PDE3A: variants seen among roughly 807,000 people sequenced by gnomAD.
PDE3A encodes cGMP-inhibited 3',5'-cyclic phosphodiesterase 3A.
PDE3A carries 43 observed loss-of-function variants against 98.3 expected under a neutral mutation model. That is an observed-to-expected ratio of 0.44 (90% confidence interval 0.34 to 0.56). The LOEUF is 0.56. PDE3A is among the 20% of genes least tolerant of loss of function. PDE3A has a pLI of 0.01. For synonymous variants in PDE3A, 663 were observed against 567.9 expected, an observed-to-expected ratio of 1.17 and a Z score of -2.38; for missense variants, 1,427 against 1,440.7, an observed-to-expected ratio of 0.99 and a Z score of 0.15.
In PDE3A at chr12:20,633,693, C is replaced by A; in HGVS notation, c.1761C>A (p.Ser587Arg). ...CTATAGCTCTTCCAATATTTTTTAGCTGTGGCAGACCATATTCCCAAGGGA... is the reference window on the plus strand; with the variant it reads ...CTATAGCTCTTCCAATATTTTTTAGATGTGGCAGACCATATTCCCAAGGGA... The part of the protein sequence containing the change: ...QILTPPVICS[S>R]CGRPYSQGNP... The change falls in exon 7 of 16, where the codon AGC (serine) becomes AGA (arginine). Residue 587 changes from serine to arginine, a missense_variant and splice_region_variant. Around this residue, in one of 3 missense-constraint regions of PDE3A, gnomAD observed 1,012 missense variants for 886.5 expected, o/e 1.14. Transcript: ENST00000359062. 6.3e-7 allele frequency: 1 copy of A among 1,598,646 alleles called. No individual in the cohort carries two copies. Among genetic ancestry groups the A allele is most frequent in the Non-Finnish European group, 8.5e-7 (1 of 1,170,856 alleles).
intron 1 of PDE3A, among the ~76,000 whole-genome samples, chr12:20,475,718 T>C (rs1565561311): frequency 6.6e-6 from 1 of 150,630 alleles, no homozygotes; most frequent in Non-Finnish European, 1.5e-5. Flanking sequence ...TGACACACCA[T>C]ACACACACAC....
At chr12:20,619,907 A>G (rs890669451) in intron 4 of PDE3A, among the ~76,000 whole-genome samples, 1 of 152,122 alleles carries the variant, frequency 6.6e-6, no homozygotes, top group Non-Finnish European at 1.5e-5. Flanking sequence ...ATTGACCTCA[A>G]CACAAATTAC....
chr12:20,390,591 A>G (rs936633714), intron 1 of PDE3A, among the ~76,000 whole-genome samples: 2 of 10,644 alleles, frequency 1.9e-4, no homozygotes, highest in African/African-American at 1.8e-4. Context: ...GTCACTGAGA[A>G]AAAAAAGCAT....
At chr12:20,483,311 C>T (rs1183843314) in intron 1 of PDE3A, among the ~76,000 whole-genome samples, 2 of 152,120 alleles carry the variant, frequency 1.3e-5, no homozygotes, top group Non-Finnish European at 1.5e-5. Flanking sequence ...ATTGTTTGAA[C>T]CCCGGAGGCG....
intron 13 of PDE3A, among the ~76,000 whole-genome samples, chr12:20,650,165 A>G (rs1944882965): frequency 6.6e-6 from 1 of 152,144 alleles, no homozygotes; most frequent in Non-Finnish European, 1.5e-5. Context: ...ATACTCTTTT[A>G]GTTATTTTAA....
chr12:20,408,015 C>T (rs80330361), intron 1 of PDE3A, among the ~76,000 whole-genome samples: 98 of 152,148 alleles, frequency 6.4e-4, no homozygotes, highest in African/African-American at 2.3e-3. Context: ...CGTCTGCCTC[C>T]TGGGTTGAAG....
At chr12:20,617,756 C>T (rs1178756247) in intron 4 of PDE3A, among the ~76,000 whole-genome samples, 1 of 152,214 alleles carries the variant, frequency 6.6e-6, no homozygotes, top group South Asian at 2.1e-4. Flanking sequence ...GAAAAATCCA[C>T]TCATGCCTTC....
At chr12:20,467,459 T>C (rs1945358647) in intron 1 of PDE3A, among the ~76,000 whole-genome samples, 1 of 152,164 alleles carries the variant, frequency 6.6e-6, no homozygotes, top group Non-Finnish European at 1.5e-5. Context: ...TATAAAAATG[T>C]ATTTATTATG....
At chr12:20,606,631 G>T in intron 2 of PDE3A, among the ~76,000 whole-genome samples, 1 of 151,856 alleles carries the variant, frequency 6.6e-6, no homozygotes, top group Non-Finnish European at 1.5e-5. Context: ...GGCTCAGGTG[G>T]GCGGGTCACC....
intron 1 of PDE3A, among the ~76,000 whole-genome samples, chr12:20,418,776 C>T (rs755552767): frequency 6.6e-6 from 1 of 151,674 alleles, no homozygotes; most frequent in Non-Finnish European, 1.5e-5. Flanking sequence ...TTTTTTAATG[C>T]TTTTACATTT....
intron 1 of PDE3A, among the ~76,000 whole-genome samples, chr12:20,385,977 AAT>A (rs1426985856): frequency 1.6e-3 from 180 of 114,256 alleles, no homozygotes; most frequent in African/African-American, 5.9e-3. Flanking sequence ...ATTAATTATT[AAT>A]ATATAATATA....
intron 1 of PDE3A, among the ~76,000 whole-genome samples, chr12:20,533,526 G>C (rs1220446338): frequency 6.7e-6 from 1 of 148,776 alleles, no homozygotes. Flanking sequence ...CTGTCACCCA[G>C]GCTGGAGTGC....
rs536255680 is a variant in PDE3A, at chr12:20,478,347, A to G, written c.961-78313A>G. On this transcript the variant is annotated intron_variant, in intron 1 of 15. Coordinates refer to ENST00000359062, the MANE Select transcript of PDE3A (RefSeq NM_000921.5). ...TAGCTGCAGTTGTAATCAGGCATACATAACCTAGGCAGCCATTTACATTTT... is the reference window on the plus strand; with the variant it reads ...TAGCTGCAGTTGTAATCAGGCATACGTAACCTAGGCAGCCATTTACATTTT... Among the ~76,000 whole-genome samples, 3 of 152,078 alleles carry G rather than the reference A, an allele frequency of 2.0e-5. No homozygotes were observed. The South Asian group carries it at 6.2e-4, about 31-fold the overall frequency.
At chr12:20,381,464 C>A (rs556373146) in intron 1 of PDE3A, among the ~76,000 whole-genome samples, 1 of 151,704 alleles carries the variant, frequency 6.6e-6, no homozygotes, top group Non-Finnish European at 1.5e-5. Context: ...AAAACTAGAA[C>A]GCTTTATGAT....
At chr12:20,465,363 G>A (rs953027281) in intron 1 of PDE3A, among the ~76,000 whole-genome samples, 4 of 152,002 alleles carry the variant, frequency 2.6e-5, no homozygotes, top group Non-Finnish European at 5.9e-5. Context: ...ACGTGTGTTA[G>A]AATGTTAATT....
At chr12:20,669,272 G>T (rs1160799369) in intron 15 of PDE3A, among the ~76,000 whole-genome samples, 2 of 152,140 alleles carry the variant, frequency 1.3e-5, no homozygotes, top group Non-Finnish European at 2.9e-5. Flanking sequence ...TGGAAAACAT[G>T]CTGCAGGATA....
intron 1 of PDE3A, among the ~76,000 whole-genome samples, chr12:20,486,242 T>A (rs1480513037): frequency 6.6e-6 from 1 of 152,086 alleles, no homozygotes; most frequent in East Asian, 1.9e-4. Context: ...AAACTTACAA[T>A]CATGGTGGAA....
chr12:20,613,256 A>G (rs1247281331), intron 2 of PDE3A, among the ~76,000 whole-genome samples, 187 bp from the exon 3 acceptor site: 2 of 152,194 alleles, frequency 1.3e-5, no homozygotes, highest in Non-Finnish European at 2.9e-5. Flanking sequence ...ATGGGCCACA[A>G]ATGCAAAAAA....
chr12:20,613,334 C>G, intron 2 of PDE3A, 109 bp from the exon 3 acceptor site: 1 of 1,002,318 alleles, frequency 1.0e-6, no homozygotes. Flanking sequence ...GTACTGAAAT[C>G]CTAAAGAATC....
Sources: allele counts gnomAD v4.1 joint callset (sites outside exome capture counted in the v4.1 genomes callset), GRCh38; gene constraint gnomAD v4.1.1; regional missense constraint gnomAD v4.1.1; transcripts MANE v1.5; gene names NCBI Gene and HGNC (gene_info 2026-07-23, HGNC 2026-07-21).